The following ABCB10 variants were observed in gnomAD, a reference collection of about 807,000 sequenced individuals.
The protein encoded by ABCB10 is ATP-binding cassette sub-family B member 10, mitochondrial.
ABCB10 carries 54 observed loss-of-function variants against 65.4 expected under a neutral mutation model. The ratio of observed to expected loss-of-function variants is 0.83; its 90% CI spans 0.66 to 1.04. The LOEUF is 1.04. Ranked by LOEUF, ABCB10 falls within the 50% of genes least tolerant of loss-of-function variation. The pLI is 0.00. For missense variants in ABCB10, 846 were observed against 976.6 expected (o/e 0.87, Z 1.78); for synonymous variants, 418 against 406.5 (o/e 1.03, Z -0.34).
intron 1 of ABCB10, among the ~76,000 whole-genome samples, chr1:229,550,863 C>CAA (rs972675375): frequency 8.2e-6 from 1 of 121,686 alleles, no homozygotes; most frequent in Non-Finnish European, 1.8e-5. Context: ...GACTCTGTCT[C>CAA]AAAAAAAAAA....
intron 3 of ABCB10, among the ~76,000 whole-genome samples, chr1:229,546,881 C>G (rs1283581837): frequency 8.6e-5 from 13 of 151,854 alleles, no homozygotes; most frequent in Non-Finnish European, 1.5e-4. Flanking sequence ...GAGACTGTCT[C>G]TAAAAAAATT....
chr1:229,546,688 T>G (rs748446919), intron 3 of ABCB10, among the ~76,000 whole-genome samples: 3 of 151,790 alleles, frequency 2.0e-5, no homozygotes, highest in African/African-American at 7.3e-5. Flanking sequence ...CTGGGCAACA[T>G]AGAGAGACCC....
chr1:229,531,780 C>T, intron 6 of ABCB10, 49 bp from the exon 7 acceptor site: 2 of 1,369,614 alleles, frequency 1.5e-6, no homozygotes, highest in Non-Finnish European at 2.1e-6. Context: ...CTGGCACTGG[C>T]ACTGGCCACC....
In ABCB10 at chr1:229,540,744, C is replaced by T; in HGVS notation, c.1065G>A (p.Glu355=). ...CAGTTCTTACATTTCCAATACGTTC[C>T]TCAGCTAGCTGGGAGAATAATAAAT... ...DSLAQATQLA[E]ERIGNVRTVR... Residue 355 remains glutamate (E), a synonymous_variant, in exon 5 of 13, where the codon GAG becomes GAA. Coordinates refer to ENST00000344517, the MANE Select transcript of ABCB10 (RefSeq NM_012089.3). 1 of 1,612,316 alleles carries T rather than the reference C, an allele frequency of 6.2e-7. No homozygotes were observed. Among genetic ancestry groups the T allele is most frequent in the South Asian group, 1.1e-5 (1 of 90,748 alleles).
At chr1:229,558,027 G>A in intron 1 of ABCB10, 109 bp downstream of exon 1, 4 of 1,170,228 alleles carry the variant, frequency 3.4e-6, no homozygotes, top group Admixed American at 8.8e-5. Flanking sequence ...CAGGAGAGGC[G>A]GCGGTGACAC....
intron 3 of ABCB10, among the ~76,000 whole-genome samples, chr1:229,545,510 T>C (rs1375256809): frequency 6.6e-6 from 1 of 152,236 alleles, no homozygotes; most frequent in African/African-American, 2.4e-5. Flanking sequence ...ACTGAGACAT[T>C]GACTTTTTAA....
At chr1:229,518,696 T>A (rs1662233568) in intron 12 of ABCB10, 145 bp downstream of exon 12, 2 of 762,110 alleles carry the variant, frequency 2.6e-6, no homozygotes, top group Non-Finnish European at 4.3e-6. Context: ...CTGTCATTAT[T>A]AATTCAGCTT....
chr1:229,547,620 C>T lies in ABCB10; in HGVS notation c.800G>A (p.Arg267His), dbSNP rs149933923. ...RQEVAFFDKTRTGELINRLSS... is the reference protein window; with the variant it reads ...RQEVAFFDKTHTGELINRLSS... ...GAGGCGGTTAATCAATTCTCCTGTG[C>T]GAGTCTTGTCAAAGAAAGCAACCTC... Residue 267 changes from arginine (R) to histidine (H), a missense_variant, in exon 3 of 13, where the codon CGC (arginine) becomes CAC (histidine). Arg to His is a conservative substitution (Grantham distance 29, BLOSUM62 0). This residue lies in a region of ABCB10 where 632 missense variants were observed against 803.2 expected (regional missense o/e 0.79). Coordinates refer to ENST00000344517, the MANE Select transcript of ABCB10 (RefSeq NM_012089.3). 10 of 1,614,092 alleles carry T rather than the reference C, an allele frequency of 6.2e-6. No individual in the cohort carries two copies. Among genetic ancestry groups the T allele is most frequent in the South Asian group, 3.3e-5 (3 of 91,088 alleles).
chr1:229,526,226 AT>A, intron 9 of ABCB10, 110 bp from the exon 10 acceptor site: 1 of 1,152,644 alleles, frequency 8.7e-7, no homozygotes, highest in Non-Finnish European at 1.2e-6. Context: ...CATGAACAGG[AT>A]TTTATCATCT....
intron 5 of ABCB10, among the ~76,000 whole-genome samples, chr1:229,539,834 A>G (rs1283119561): frequency 6.6e-6 from 1 of 152,226 alleles, no homozygotes; most frequent in African/African-American, 2.4e-5. Flanking sequence ...ATTTTATCCC[A>G]TCTACTCAGT....
rs762538695 is a variant in ABCB10 at position 229,558,663 on chromosome 1, G to T, written c.-11C>A. On this transcript the variant is annotated 5_prime_UTR_variant, in exon 1 of 13. Coordinates refer to ENST00000344517, the MANE Select transcript of ABCB10 (RefSeq NM_012089.3). Reference sequence around the variant, plus strand: ...AGGGGGGCCTCGCATGGCGCTGCGTGCGACCCGTACGCCTCAGCCCGCCGG... The same window carrying T: ...AGGGGGGCCTCGCATGGCGCTGCGTTCGACCCGTACGCCTCAGCCCGCCGG... 189 of 1,318,910 alleles carry T rather than the reference G, an allele frequency of 1.4e-4. No homozygotes were observed. The Middle Eastern group carries it at 3.8e-3, about 27-fold the overall frequency. The allele number at this position is 1,318,910 out of a possible 1,614,324, so 81.7% of individuals were successfully genotyped here.
Position 229,558,419 on chromosome 1 carries a change from G to A in ABCB10, c.234C>T (p.Gly78=), listed in dbSNP as rs1165882163. ...CGAGGCCCAGGACGCCCCGCGAGGC[G>A]CCCGGACCCCCGCCCCGGCAGCCGC... ...WRSGCRGGGP[G]ASRGVLGLAR... is the part of the protein sequence containing the mutation. The change falls in exon 1 of 13, where the codon GGC becomes GGT. Residue 78 remains glycine, a synonymous_variant. Coordinates refer to ENST00000344517, the MANE Select transcript of ABCB10 (RefSeq NM_012089.3). 3.3e-6 allele frequency: 4 copies of A among 1,202,186 alleles called. No homozygotes were observed. The highest frequency in any genetic ancestry group is 6.5e-5 in the South Asian group (2 of 30,740). 74.5% of individuals were successfully genotyped at this position (1,202,186 alleles called of 1,614,324 possible).
intron 3 of ABCB10, among the ~76,000 whole-genome samples, chr1:229,545,436 C>T (rs139595455): frequency 6.6e-6 from 1 of 152,166 alleles, no homozygotes; most frequent in Non-Finnish European, 1.5e-5. Flanking sequence ...TCTTATTCCA[C>T]GAGTCTAGAA....
At chr1:229,542,747 T>C (rs183425901) in intron 3 of ABCB10, among the ~76,000 whole-genome samples, 1 of 151,564 alleles carries the variant, frequency 6.6e-6, no homozygotes, top group East Asian at 1.9e-4. Context: ...CCTCAGGAGT[T>C]GTATATTCAG....
intron 1 of ABCB10, among the ~76,000 whole-genome samples, chr1:229,554,251 C>T (rs539833127): frequency 6.6e-6 from 1 of 152,044 alleles, no homozygotes; most frequent in African/African-American, 2.4e-5. Context: ...AGGACATGAG[C>T]GGCTGACAGA....
rs565490136 is a variant in ABCB10 at position 229,517,908 on chromosome 1, T to C, written c.*271A>G. ...AAAGAAAATGAGGTGCCATGCTATA[T>C]TAATTAAAATATTCCACAAGAAAAG... On this transcript the variant is annotated 3_prime_UTR_variant, in exon 13 of 13. Coordinates refer to ENST00000344517, the MANE Select transcript of ABCB10 (RefSeq NM_012089.3). 1.5e-5 allele frequency: 5 copies of C among 340,392 alleles called. No homozygotes were observed. Among genetic ancestry groups the C allele is most frequent in the Non-Finnish European group, 2.1e-5 (4 of 187,360 alleles). The allele number at this position is 340,392 out of a possible 1,614,324, so 21.1% of individuals were successfully genotyped here. A position where few individuals can be genotyped will look rare whatever the true frequency, so the allele number is the denominator to read the frequency against.
At chr1:229,544,857 G>C (rs751175869) in intron 3 of ABCB10, among the ~76,000 whole-genome samples, 25 of 152,210 alleles carry the variant, frequency 1.6e-4, no homozygotes, top group Non-Finnish European at 2.5e-4. Flanking sequence ...CAAGATGGCA[G>C]CTGCCTACCA....
intron 11 of ABCB10, 121 bp downstream of exon 11, chr1:229,521,470 CA>C: frequency 8.5e-7 from 1 of 1,175,886 alleles, no homozygotes; most frequent in Non-Finnish European, 1.2e-6. Context: ...CCTCCCACTC[CA>C]AGAAAAAAAA....
chr1:229,558,366 C>A lies in ABCB10; in HGVS notation c.287G>T (p.Gly96Val). Residue 96 changes from glycine to valine, a missense_variant, in exon 1 of 13, where the codon GGC (glycine) becomes GTC (valine). Around this residue, in one of 2 missense-constraint regions of ABCB10, gnomAD observed 214 missense variants for 173.5 expected, o/e 1.23. Transcript: ENST00000344517. The stretch of plus-strand genomic sequence containing the variant: ...AGCCCCGCACCTGCAGCTGCCGGGG[C>A]CGCGAGCCCACAGCCCCAGGAGCCG... The part of the protein sequence containing the change: ...LARLLGLWAR[G>V]PGSCRCGAFA... 1 of 1,251,910 alleles carries A rather than the reference C, an allele frequency of 8.0e-7. No individual in the cohort carries two copies. Among genetic ancestry groups the A allele is most frequent in the Non-Finnish European group, 1.0e-6 (1 of 986,948 alleles). The allele number at this position is 1,251,910 out of a possible 1,614,324, so 77.6% of individuals were successfully genotyped here.
Sources: allele counts gnomAD v4.1 joint callset (sites outside exome capture counted in the v4.1 genomes callset), GRCh38; gene constraint gnomAD v4.1.1; regional missense constraint gnomAD v4.1.1; transcripts MANE v1.5; gene names NCBI Gene and HGNC (gene_info 2026-07-23, HGNC 2026-07-21).